The following LAPTM4B variants were observed in gnomAD, a reference collection of about 807,000 sequenced individuals.
The protein encoded by LAPTM4B is lysosomal protein transmembrane 4 beta.
LAPTM4B carries 26 observed loss-of-function variants against 28.5 expected under a neutral mutation model. The observed-to-expected ratio is 0.91, with a 90% CI of 0.67 to 1.27. LAPTM4B has a LOEUF of 1.27. LAPTM4B is among the 50% of genes most tolerant of loss of function. The probability of loss-of-function intolerance (pLI) is 0.00; values close to 1 mark genes in which losing one functional copy is unlikely to be tolerated. For missense variants in LAPTM4B, 288 were observed against 285.8 expected, an observed-to-expected ratio of 1.01 and a Z score of -0.06; for synonymous variants, 109 against 106.4, an observed-to-expected ratio of 1.02 and a Z score of -0.15.
chr8:97,822,270 TGTTTTTG>T lies in LAPTM4B; in HGVS notation c.508-2785_508-2779del, dbSNP rs768217968. ...GTAGACTCCCCTTTTGACTTCTGCT[TGTTTTTG>T]GTCAGTCTCCCATGACTTAAAATTT... On this transcript the variant is annotated intron_variant, in intron 5 of 6. Coordinates refer to ENST00000521545, the MANE Select transcript of LAPTM4B (RefSeq NM_018407.6). Among the ~76,000 whole-genome samples the T allele has an allele frequency of 1.6e-3, 242 of 152,088 alleles. 1 individual carries two copies. The highest frequency in any genetic ancestry group is 2.3e-3 in the Non-Finnish European group (156 of 67,988).
At chr8:97,820,304 CTT>C (rs71570268) in intron 5 of LAPTM4B, among the ~76,000 whole-genome samples, 11 of 128,312 alleles carry the variant, frequency 8.6e-5, no homozygotes, top group Admixed American at 1.7e-4. Flanking sequence ...TTCTTTCTTT[CTT>C]TTTTTTTTTT....
At chr8:97,799,856 C>T (rs761555087) in intron 1 of LAPTM4B, among the ~76,000 whole-genome samples, 1 of 152,164 alleles carries the variant, frequency 6.6e-6, no homozygotes, top group Non-Finnish European at 1.5e-5. Context: ...GGCGTTCCAG[C>T]CACATTGAAC....
chr8:97,843,422 C>G (rs1817381709), intron 6 of LAPTM4B, among the ~76,000 whole-genome samples: 2 of 152,110 alleles, frequency 1.3e-5, no homozygotes, highest in African/African-American at 4.8e-5. Flanking sequence ...CCACAAAAAA[C>G]AAAACAACAC....
chr8:97,847,405 TATATTCTTAG>T (rs1817450335), intron 6 of LAPTM4B, among the ~76,000 whole-genome samples: 1 of 152,210 alleles, frequency 6.6e-6, no homozygotes, highest in African/African-American at 2.4e-5. Context: ...GGACATGACC[TATATTCTTAG>T]TTCTCAGAGA....
At chr8:97,780,669 A>T (rs1259366454) in intron 1 of LAPTM4B, among the ~76,000 whole-genome samples, 1 of 152,128 alleles carries the variant, frequency 6.6e-6, no homozygotes, top group African/African-American at 2.4e-5. Context: ...AGATGAGAAA[A>T]CTGAGGCTTA....
chr8:97,843,533 TTG>T (rs1231938322), intron 6 of LAPTM4B, among the ~76,000 whole-genome samples: 1 of 152,122 alleles, frequency 6.6e-6, no homozygotes, highest in Admixed American at 6.5e-5. Context: ...ATCCCAGCGT[TTG>T]GGGAGGCTGA....
intron 1 of LAPTM4B, among the ~76,000 whole-genome samples, chr8:97,780,876 T>A (rs1816297050): frequency 6.6e-6 from 1 of 152,144 alleles, no homozygotes; most frequent in South Asian, 2.1e-4. Context: ...TTATTATTAT[T>A]ACTATTTTTA....
chr8:97,782,906 T>TTTTATTTATTTATTTATTTA lies in LAPTM4B; in HGVS notation c.99+6822_99+6841dup, dbSNP rs60489660. Among the ~76,000 whole-genome samples, 139 of 135,112 alleles carry TTTTATTTATTTATTTATTTA rather than the reference T, an allele frequency of 1.0e-3. 1 individual carries two copies. The highest frequency in any genetic ancestry group is 3.9e-3 in the Admixed American group (51 of 13,044). The allele number at this position is 135,112 out of a possible 152,430, so 88.6% of individuals were successfully genotyped here. ...ACCACCATACCTGGCTAATTTTGTA[T>TTTTATTTATTTATTTATTTA]TTTATTTATTTATTTATTTATTTAT... On this transcript the variant is annotated intron_variant, in intron 1 of 6. Coordinates refer to ENST00000521545, the MANE Select transcript of LAPTM4B (RefSeq NM_018407.6).
chr8:97,845,036 A>G (rs757764655), intron 6 of LAPTM4B, among the ~76,000 whole-genome samples: 2 of 151,772 alleles, frequency 1.3e-5, no homozygotes, highest in African/African-American at 2.4e-5. Flanking sequence ...AGCACCCTCA[A>G]CTCTTTCACT....
intron 2 of LAPTM4B, among the ~76,000 whole-genome samples, chr8:97,810,561 C>G (rs916967473): frequency 2.0e-5 from 3 of 152,188 alleles, no homozygotes; most frequent in African/African-American, 7.2e-5. Context: ...ACAGGTAGTT[C>G]AGTCCACTGA....
At position 97,795,331 on chromosome 8, in the gene LAPTM4B, C is replaced by G. The variant is rs180776836; in HGVS notation, c.100-10022C>G. On this transcript the variant is annotated intron_variant, in intron 1 of 6. Coordinates refer to ENST00000521545, the MANE Select transcript of LAPTM4B (RefSeq NM_018407.6). The stretch of plus-strand genomic sequence containing the variant: ...TCTTGAACTCCTGGTCTCAGTGGAT[C>G]CTTACTCTTCAGCCTGTCAAAAATT... 3.9e-5 allele frequency among the ~76,000 whole-genome samples: 6 copies of G among 152,032 alleles called. No individual in the cohort carries two copies. The East Asian group carries it at 1.2e-3, about 29-fold the overall frequency.
At chr8:97,831,230 G>GGTA (rs1360877485) in intron 6 of LAPTM4B, among the ~76,000 whole-genome samples, 2 of 152,166 alleles carry the variant, frequency 1.3e-5, no homozygotes, top group African/African-American at 4.8e-5. Flanking sequence ...ATTGTACGGA[G>GGTA]GTAGGAAGAC....
chr8:97,819,725 T>C (rs1221698983), intron 5 of LAPTM4B, among the ~76,000 whole-genome samples: 2 of 130,720 alleles, frequency 1.5e-5, no homozygotes, highest in Non-Finnish European at 3.1e-5. Flanking sequence ...AAGATAAATT[T>C]CCTTTTTTTT....
intron 1 of LAPTM4B, among the ~76,000 whole-genome samples, chr8:97,779,107 T>G (rs899786749): frequency 1.3e-5 from 2 of 152,052 alleles, no homozygotes; most frequent in African/African-American, 4.8e-5. Context: ...TAGTCCCAGC[T>G]TGAGTCCCAG....
intron 1 of LAPTM4B, among the ~76,000 whole-genome samples, chr8:97,782,437 C>G (rs1361412983): frequency 6.6e-6 from 1 of 151,466 alleles, no homozygotes. Flanking sequence ...CACTCCACAC[C>G]ACTCCAGGCT....
intron 2 of LAPTM4B, among the ~76,000 whole-genome samples, chr8:97,808,249 G>C (rs757784876): frequency 6.6e-6 from 1 of 152,028 alleles, no homozygotes; most frequent in Middle Eastern, 3.4e-3. Context: ...GGAGTTGCGA[G>C]ATCAGCCTGT....
At chr8:97,822,600 CAT>C (rs1817023780) in intron 5 of LAPTM4B, among the ~76,000 whole-genome samples, 2 of 150,780 alleles carry the variant, frequency 1.3e-5, no homozygotes, top group Admixed American at 1.3e-4. Flanking sequence ...CATTACTAGT[CAT>C]ATGGTCTAAA....
intron 1 of LAPTM4B, among the ~76,000 whole-genome samples, chr8:97,788,001 T>C (rs1168061778): frequency 6.6e-6 from 1 of 152,104 alleles, no homozygotes; most frequent in Non-Finnish European, 1.5e-5. Flanking sequence ...GCCCAGCTAA[T>C]TTTTGTATTT....
At chr8:97,838,582 G>A (rs1302236014) in intron 6 of LAPTM4B, among the ~76,000 whole-genome samples, 1 of 152,170 alleles carries the variant, frequency 6.6e-6, no homozygotes, top group Non-Finnish European at 1.5e-5. Flanking sequence ...GTGGCAGGAG[G>A]GGGACTACAA....
Sources: allele counts gnomAD v4.1 joint callset (sites outside exome capture counted in the v4.1 genomes callset), GRCh38; gene constraint gnomAD v4.1.1; transcripts MANE v1.5; gene names NCBI Gene and HGNC (gene_info 2026-07-23, HGNC 2026-07-21).